ASTN2: variants seen among roughly 807,000 people sequenced by gnomAD.
The protein encoded by ASTN2 is astrotactin 2, also known as astrotactin-2.
A neutral mutation model predicts 139.8 loss-of-function variants in ASTN2; 54 were observed. That is an observed-to-expected ratio of 0.39 (90% CI 0.31 to 0.48). The LOEUF is 0.48. ASTN2 is among the 20% of genes least tolerant of loss of function. The pLI, the probability that ASTN2 is intolerant of heterozygous loss-of-function variation, is 0.95. For missense variants in ASTN2, 1,565 were observed against 1,725.1 expected, an observed-to-expected ratio of 0.91 and a Z score of 1.64; for synonymous variants, 756 against 719.5, an observed-to-expected ratio of 1.05 and a Z score of -0.81.
intron 1 of ASTN2, among the ~76,000 whole-genome samples, chr9:117,392,571 G>T (rs1416942): frequency 0.39 from 58,562 of 151,988 alleles, 11,790 homozygotes; most frequent in East Asian, 0.77. Context: ...ATTGGGCATA[G>T]GCCTTTAAGG....
intron 3 of ASTN2, among the ~76,000 whole-genome samples, chr9:117,188,560 C>T (rs193144981): frequency 3.3e-5 from 5 of 152,134 alleles, no homozygotes; most frequent in Admixed American, 6.5e-5. Context: ...TGCTGGATGC[C>T]GAGGAAACAT....
chr9:116,466,607 T>G (rs1400929229), intron 20 of ASTN2, among the ~76,000 whole-genome samples: 1 of 152,158 alleles, frequency 6.6e-6, no homozygotes, highest in Non-Finnish European at 1.5e-5. Context: ...GATGAGGCAA[T>G]GCAGGGCAGA....
intron 19 of ASTN2, chr9:116,552,177 C>T (rs892597947): frequency 6.6e-6 from 1 of 152,206 alleles, no homozygotes; most frequent in Admixed American, 6.5e-5. Context: ...ACTCCTTCTT[C>T]ATGGGATGTG....
chr9:116,436,626 A>G, intron 22 of ASTN2, among the ~76,000 whole-genome samples: 1 of 152,232 alleles, frequency 6.6e-6, no homozygotes. Flanking sequence ...TTAGGGTGTG[A>G]CAGAGCAAAT....
intron 10 of ASTN2, among the ~76,000 whole-genome samples, chr9:116,869,980 G>A (rs2132351014): frequency 6.7e-6 from 1 of 149,302 alleles, no homozygotes; most frequent in East Asian, 2.0e-4. Flanking sequence ...GTGTAGTGGT[G>A]TGTGCCTGTA....
At chr9:116,562,699 G>A (rs1852976993) in intron 19 of ASTN2, among the ~76,000 whole-genome samples, 1 of 139,308 alleles carries the variant, frequency 7.2e-6, no homozygotes. Context: ...CCATTGCACT[G>A]CAGCCTGGGT....
rs771381017 is a variant in ASTN2 at position 117,414,490 on chromosome 9, G to A, written c.442+7C>T. 1 of 1,608,312 alleles carries A rather than the reference G, an allele frequency of 6.2e-7. No individual in the cohort carries two copies. The highest frequency in any genetic ancestry group is 1.1e-5 in the South Asian group (1 of 90,934). ...GGGATCTAGCGCGTGCCGGCGCCCA[G>A]CCTTACCCAGGGTGAAGAAGGGCAG... On this transcript the variant is annotated splice_region_variant and intron_variant, in intron 1 of 22. Transcript: ENST00000313400. This position sits in a 1 kb window ranked among gnomAD's most constrained non-coding sequence, Gnocchi z 4.2.
At chr9:116,981,533 C>T (rs1564369864) in intron 7 of ASTN2, among the ~76,000 whole-genome samples, 1 of 152,224 alleles carries the variant, frequency 6.6e-6, no homozygotes, top group Admixed American at 6.5e-5. Context: ...GAAGAGGAAA[C>T]TCAAGCTAAG....
At chr9:116,611,573 T>C (rs1433430687) in intron 19 of ASTN2, 1 of 152,074 alleles carries the variant, frequency 6.6e-6, no homozygotes, top group Non-Finnish European at 1.5e-5. Flanking sequence ...GAGACTAATA[T>C]CACTATAATC....
At chr9:116,919,582 T>C (rs1259986778) in intron 10 of ASTN2, among the ~76,000 whole-genome samples, 1 of 151,294 alleles carries the variant, frequency 6.6e-6, no homozygotes, top group Non-Finnish European at 1.5e-5. Context: ...ACAAGGTCCC[T>C]CCTCCTCTGA....
At chr9:116,858,397 G>A (rs979363952) in intron 11 of ASTN2, among the ~76,000 whole-genome samples, 2 of 152,184 alleles carry the variant, frequency 1.3e-5, no homozygotes, top group African/African-American at 4.8e-5. Context: ...CCTGTGCTGG[G>A]AAAACCAGAA....
chr9:116,556,168 C>A (rs989879796), intron 19 of ASTN2, among the ~76,000 whole-genome samples: 3 of 152,182 alleles, frequency 2.0e-5, no homozygotes, highest in African/African-American at 7.2e-5. Flanking sequence ...GAATGAAGCA[C>A]GAGGAGTGCT....
chr9:116,796,173 A>C (rs1830683680), intron 13 of ASTN2, among the ~76,000 whole-genome samples: 1 of 152,166 alleles, frequency 6.6e-6, no homozygotes, highest in Non-Finnish European at 1.5e-5. Context: ...GGGCATTGTT[A>C]CTATTATTCT....
intron 10 of ASTN2, among the ~76,000 whole-genome samples, chr9:116,864,790 C>T (rs1832975485): frequency 6.6e-6 from 1 of 152,104 alleles, no homozygotes; most frequent in Non-Finnish European, 1.5e-5. Flanking sequence ...ATCTTGCATA[C>T]CTTCTCCCAT....
intron 3 of ASTN2, among the ~76,000 whole-genome samples, chr9:117,157,799 C>T (rs144959104): frequency 6.6e-6 from 1 of 151,926 alleles, no homozygotes; most frequent in African/African-American, 2.4e-5. Context: ...CGTGATGAGG[C>T]TTAAATGCCA....
chr9:116,497,814 T>G (rs1849716700), intron 19 of ASTN2, among the ~76,000 whole-genome samples: 1 of 152,208 alleles, frequency 6.6e-6, no homozygotes, highest in South Asian at 2.1e-4. Context: ...TTTGAAGCAC[T>G]CATCCATGGA....
intron 5 of ASTN2, among the ~76,000 whole-genome samples, chr9:117,060,413 G>A (rs10119634): frequency 0.21 from 6,885 of 32,882 alleles, 614 homozygotes; most frequent in Non-Finnish European, 0.23. Flanking sequence ...AAAGAAAGAA[G>A]GAAAGGAAGG....
At chr9:116,830,732 C>G (rs1313296337) in intron 11 of ASTN2, among the ~76,000 whole-genome samples, 1 of 145,446 alleles carries the variant, frequency 6.9e-6, no homozygotes, top group Non-Finnish European at 1.5e-5. Context: ...GCGGAGGTCA[C>G]AGTGAGCCAA....
chr9:117,225,432 G>A (rs1832672524), intron 2 of ASTN2, among the ~76,000 whole-genome samples: 1 of 150,492 alleles, frequency 6.6e-6, no homozygotes, highest in Admixed American at 6.6e-5. Flanking sequence ...ATATACAGAT[G>A]GGCCAGGCAC....
Sources: gnomAD v4.1 joint callset for allele counts (sites outside exome capture counted in the v4.1 genomes callset) on GRCh38, gnomAD v4.1.1 for gene constraint, Gnocchi (gnomAD v3.1) non-coding constraint, MANE v1.5 for transcripts, NCBI Gene and HGNC (gene_info 2026-07-23, HGNC 2026-07-21) for gene names.